Variants in RASGRF2 observed in about 807,000 individuals in gnomAD.
RASGRF2 encodes ras-specific guanine nucleotide-releasing factor 2.
A neutral mutation model predicts 151.0 loss-of-function variants in RASGRF2; 76 were observed. The ratio of observed to expected loss-of-function variants is 0.50; its 90% CI spans 0.42 to 0.61. The LOEUF (loss-of-function observed/expected upper bound fraction) is 0.61. RASGRF2 is among the 20% of genes least tolerant of loss of function. RASGRF2 has a pLI of 0.00. For missense variants in RASGRF2, 1,148 were observed against 1,564.6 expected (o/e 0.73, Z 4.49); for synonymous variants, 504 against 566.5 (o/e 0.89, Z 1.57).
At chr5:81,091,877 A>T (rs1486979241) in intron 9 of RASGRF2, among the ~76,000 whole-genome samples, 1 of 152,180 alleles carries the variant, frequency 6.6e-6, no homozygotes, top group Non-Finnish European at 1.5e-5. Flanking sequence ...GGGTAATATG[A>T]GCCTGCAGAA....
intron 7 of RASGRF2, among the ~76,000 whole-genome samples, chr5:81,084,259 T>G (rs1279683028): frequency 6.6e-6 from 1 of 152,184 alleles, no homozygotes; most frequent in Non-Finnish European, 1.5e-5. Context: ...TATGAAAAAT[T>G]TTGTACATTA....
intron 9 of RASGRF2, among the ~76,000 whole-genome samples, chr5:81,089,847 T>C (rs1300828093): frequency 6.6e-6 from 1 of 152,228 alleles, no homozygotes; most frequent in Non-Finnish European, 1.5e-5. Context: ...GCACCTAGAC[T>C]AGTACCTGCA....
chr5:81,061,048 G>GT (rs1016614900), intron 2 of RASGRF2, among the ~76,000 whole-genome samples: 34 of 147,010 alleles, frequency 2.3e-4, no homozygotes, highest in South Asian at 1.9e-3. Flanking sequence ...TCAATTTCTT[G>GT]TTTTTTTTTC....
chr5:81,169,028 C>T lies in RASGRF2; in HGVS notation c.2687-11147C>T, dbSNP rs181313173. Among the ~76,000 whole-genome samples, 5 of 152,304 alleles carry T rather than the reference C, an allele frequency of 3.3e-5. No individual in the cohort carries two copies. In the East Asian group the frequency reaches 7.7e-4, roughly 24 times the overall value. ...GGGCTTTGTCTGGTACACTCTGTAC[C>T]TATGTGAGCCCATCCAGACTTCTGA... On this transcript the variant is annotated intron_variant, in intron 17 of 26. Transcript: ENST00000265080.
intron 17 of RASGRF2, among the ~76,000 whole-genome samples, chr5:81,140,269 C>A (rs1453409871): frequency 6.6e-6 from 1 of 152,132 alleles, no homozygotes; most frequent in African/African-American, 2.4e-5. Flanking sequence ...AGATTCAGGA[C>A]ACCTTTTTGT....
intron 1 of RASGRF2, among the ~76,000 whole-genome samples, chr5:81,014,926 G>A (rs1749580353): frequency 6.6e-6 from 1 of 152,020 alleles, no homozygotes; most frequent in African/African-American, 2.4e-5. Flanking sequence ...ATTTATTTAT[G>A]TATTTATTTT....
intron 11 of RASGRF2, 37 bp from the exon 12 acceptor site, chr5:81,094,819 T>C: frequency 6.4e-7 from 1 of 1,552,156 alleles, no homozygotes; most frequent in Non-Finnish European, 8.9e-7. Context: ...TGTTTTTTTG[T>C]ATTCTCATCT....
At chr5:81,020,175 TG>T (rs1468210154) in intron 1 of RASGRF2, among the ~76,000 whole-genome samples, 2 of 152,320 alleles carry the variant, frequency 1.3e-5, no homozygotes, top group South Asian at 4.1e-4. Context: ...TGGCATGTTA[TG>T]GTTTTTGTAG....
intron 23 of RASGRF2, among the ~76,000 whole-genome samples, chr5:81,214,691 A>G (rs1193564931): frequency 6.6e-6 from 1 of 152,188 alleles, no homozygotes; most frequent in Non-Finnish European, 1.5e-5. Flanking sequence ...GAGGACCCTC[A>G]ACCTGGGCAT....
At chr5:81,151,317 A>C (rs1257533342) in intron 17 of RASGRF2, among the ~76,000 whole-genome samples, 1 of 151,466 alleles carries the variant, frequency 6.6e-6, no homozygotes, top group East Asian at 1.9e-4. Context: ...AGTACAGTAC[A>C]TGTCTGGGCT....
chr5:81,121,572 G>A (rs185861257), intron 15 of RASGRF2, among the ~76,000 whole-genome samples: 1 of 152,310 alleles, frequency 6.6e-6, no homozygotes, highest in African/African-American at 2.4e-5. Flanking sequence ...AAATGAGTGA[G>A]GCAATGAACT....
chr5:81,088,890 A>T (rs1241882507), intron 9 of RASGRF2, among the ~76,000 whole-genome samples: 1 of 152,118 alleles, frequency 6.6e-6, no homozygotes, highest in Non-Finnish European at 1.5e-5. Context: ...ATTCATGCCC[A>T]TATGTTATTA....
chr5:81,223,603 T>C lies in RASGRF2; in HGVS notation c.3622-2075T>C, dbSNP rs186700130. Reference sequence around the variant, plus strand: ...TTGCAGTGAGCCAAGATTGCGCCACTGCACTCCAGCCTGGGCGACAGAGCG... The same window carrying C: ...TTGCAGTGAGCCAAGATTGCGCCACCGCACTCCAGCCTGGGCGACAGAGCG... On this transcript the variant is annotated intron_variant, in intron 26 of 26. Transcript: ENST00000265080. 266 of 151,406 alleles carry C rather than the reference T, an allele frequency of 1.8e-3. 1 individual carries two copies. Among genetic ancestry groups the C allele is most frequent in the Middle Eastern group, 3.4e-3 (1 of 296 alleles). The allele number at this position is 151,406 out of a possible 1,614,324, so 9.4% of individuals were successfully genotyped here.
chr5:81,053,882 G>A (rs1456171590), intron 2 of RASGRF2, among the ~76,000 whole-genome samples: 5 of 152,164 alleles, frequency 3.3e-5, no homozygotes, highest in South Asian at 2.1e-4. Context: ...GCCAGTGATG[G>A]TGAGCATTTT....
At chr5:81,046,659 A>G (rs1750845664) in intron 2 of RASGRF2, among the ~76,000 whole-genome samples, 1 of 152,020 alleles carries the variant, frequency 6.6e-6, no homozygotes, top group Non-Finnish European at 1.5e-5. Context: ...TTGAGTATGG[A>G]ACTCTGGACA....
chr5:81,027,924 G>T (rs1486466608), intron 1 of RASGRF2, among the ~76,000 whole-genome samples: 1 of 152,162 alleles, frequency 6.6e-6, no homozygotes, highest in Non-Finnish European at 1.5e-5. Flanking sequence ...ACATGCATGT[G>T]GCAGCTTATC....
At chr5:81,207,490 C>T (rs1240894049) in intron 21 of RASGRF2, 141 bp downstream of exon 21, 22 of 697,460 alleles carry the variant, frequency 3.2e-5, no homozygotes, top group Non-Finnish European at 5.3e-5. Context: ...ATCCATGGAA[C>T]TGGCACGCCT....
intron 17 of RASGRF2, among the ~76,000 whole-genome samples, chr5:81,130,739 A>AGAACCT (rs1610932): frequency 0.38 from 58,127 of 151,310 alleles, 12,233 homozygotes; most frequent in African/African-American, 0.57. Flanking sequence ...GGATGCATCC[A>AGAACCT]GGTGAGTTGC....
chr5:81,222,641 C>A (rs1171099924), intron 26 of RASGRF2, among the ~76,000 whole-genome samples: 1 of 152,132 alleles, frequency 6.6e-6, no homozygotes, highest in African/African-American at 2.4e-5. Flanking sequence ...CAGAGCTGGA[C>A]CTACTGTGTT....
Sources: gnomAD v4.1 joint callset for allele counts (sites outside exome capture counted in the v4.1 genomes callset) on GRCh38, gnomAD v4.1.1 for gene constraint, MANE v1.5 for transcripts, NCBI Gene and HGNC (gene_info 2026-07-23, HGNC 2026-07-21) for gene names.